The following PEX1 variants were observed in gnomAD, a reference collection of about 807,000 sequenced individuals.
PEX1 encodes peroxisomal ATPase PEX1.
In PEX1, 97 loss-of-function variants were observed where a neutral mutation model predicts 152.5. That is an observed-to-expected ratio of 0.64 (90% CI 0.54 to 0.75). The LOEUF (loss-of-function observed/expected upper bound fraction) is 0.75. Among genes scored for constraint, PEX1 ranks in the 30% least tolerant of loss-of-function variants. The probability of loss-of-function intolerance (pLI) is 0.00; values close to 1 mark genes in which losing one functional copy is unlikely to be tolerated. For missense variants in PEX1, 1,357 were observed against 1,516.3 expected, an observed-to-expected ratio of 0.89 and a Z score of 1.74; for synonymous variants, 485 against 531.6, an observed-to-expected ratio of 0.91 and a Z score of 1.21.
chr7:92,504,033 T>G (rs1392033010), intron 12 of PEX1, among the ~76,000 whole-genome samples: 1 of 152,030 alleles, frequency 6.6e-6, no homozygotes, highest in East Asian at 1.9e-4. Context: ...TTCCTTTGCT[T>G]CTTTATTAGC....
At chr7:92,496,279 TAC>T (rs1791649330) in intron 17 of PEX1, among the ~76,000 whole-genome samples, 1 of 152,138 alleles carries the variant, frequency 6.6e-6, no homozygotes, top group African/African-American at 2.4e-5. Context: ...TGTATTCATA[TAC>T]AGTTTTTTAA....
chr7:92,496,080 C>T (rs1791638803), intron 17 of PEX1, among the ~76,000 whole-genome samples: 1 of 151,920 alleles, frequency 6.6e-6, no homozygotes, highest in East Asian at 1.9e-4. Flanking sequence ...CTGGTAAACT[C>T]GGTGGTGAAT....
At chr7:92,522,895 T>G (rs562974795) in intron 1 of PEX1, among the ~76,000 whole-genome samples, 235 of 152,318 alleles carry the variant, frequency 1.5e-3, no homozygotes, top group African/African-American at 5.4e-3. Flanking sequence ...CATGTCTCTG[T>G]TCTCAGAGGT....
intron 20 of PEX1, among the ~76,000 whole-genome samples, chr7:92,492,024 A>G (rs1156452511): frequency 6.6e-6 from 1 of 152,232 alleles, no homozygotes; most frequent in Admixed American, 6.5e-5. Flanking sequence ...TTCCTAGAAA[A>G]TATATGGTAA....
intron 17 of PEX1, 110 bp from the exon 18 acceptor site, chr7:92,494,739 T>C: frequency 1.5e-6 from 1 of 653,744 alleles, no homozygotes. Flanking sequence ...TATATTTATA[T>C]ACTTCTTTTA....
intron 2 of PEX1, among the ~76,000 whole-genome samples, chr7:92,520,440 T>A (rs1792999647): frequency 6.6e-6 from 1 of 152,134 alleles, no homozygotes; most frequent in African/African-American, 2.4e-5. Context: ...ATAAACAAGA[T>A]TAGTCTGTGC....
At chr7:92,514,773 C>CG (rs1400293405) in intron 5 of PEX1, among the ~76,000 whole-genome samples, 1 of 152,020 alleles carries the variant, frequency 6.6e-6, no homozygotes, top group Non-Finnish European at 1.5e-5. Context: ...TTACCTCAGC[C>CG]GGGCGCAGTG....
In PEX1 at chr7:92,487,482, G is replaced by A; in HGVS notation, c.3827C>T (p.Pro1276Leu). Reference sequence around the variant, plus strand: ...TTATGCTAAAGTTACTTTCTGTCCAGGTCGAAACATTGTTCCACTTTGATT... The same window carrying A: ...TTATGCTAAAGTTACTTTCTGTCCAAGTCGAAACATTGTTCCACTTTGATT... ...RKNQSGTMFRPGQKVTLA is the reference protein window; with the variant it reads ...RKNQSGTMFRLGQKVTLA Residue 1276 changes from proline (P) to leucine (L), a missense_variant, in exon 24 of 24, where the codon CCT becomes CTT. Coordinates refer to ENST00000248633, the MANE Select transcript of PEX1 (RefSeq NM_000466.3). 6.3e-7 allele frequency: 1 copy of A among 1,593,196 alleles called. No homozygotes were observed.
Position 92,489,819 on chromosome 7 carries a change from TAAC to T in PEX1, c.3528_3530del (p.Leu1177del). ...GGCAACCCTCTTGTGAAGCTGTCCTTAACACTGGAGGCTGTGAAAACAACTGGT... is the reference window on the plus strand; with the variant it reads ...GGCAACCCTCTTGTGAAGCTGTCCTTACTGGAGGCTGTGAAAACAACTGGT... On this transcript the variant is annotated inframe_deletion, in exon 22 of 24. Coordinates refer to ENST00000248633, the MANE Select transcript of PEX1 (RefSeq NM_000466.3). 6.2e-7 allele frequency: 1 copy of T among 1,614,012 alleles called. No individual in the cohort carries two copies. The highest frequency in any genetic ancestry group is 1.3e-5 in the African/African-American group (1 of 75,042).
At chr7:92,513,585 C>T (rs1354812675) in intron 6 of PEX1, among the ~76,000 whole-genome samples, 3 of 151,996 alleles carry the variant, frequency 2.0e-5, no homozygotes, top group Non-Finnish European at 4.4e-5. Context: ...TAATGGGTAC[C>T]AAGTTTCTCT....
intron 16 of PEX1, among the ~76,000 whole-genome samples, chr7:92,499,260 T>C (rs1003913321): frequency 2.0e-5 from 3 of 152,204 alleles, no homozygotes; most frequent in African/African-American, 2.4e-5. Context: ...AATTTGTGCA[T>C]GAATATTTAC....
chr7:92,499,969 A>T, intron 15 of PEX1, 131 bp from the exon 16 acceptor site: 2 of 697,512 alleles, frequency 2.9e-6, no homozygotes, highest in Non-Finnish European at 4.9e-6. Flanking sequence ...TAGTAACAGC[A>T]AGTACAACAG....
intron 5 of PEX1, among the ~76,000 whole-genome samples, chr7:92,514,195 G>T (rs998259519): frequency 3.3e-5 from 5 of 152,088 alleles, no homozygotes; most frequent in Admixed American, 6.6e-5. Context: ...TCTTTTATAA[G>T]AGCACGAATC....
At chr7:92,521,466 G>A (rs1338297990) in intron 2 of PEX1, among the ~76,000 whole-genome samples, 3 of 151,664 alleles carry the variant, frequency 2.0e-5, no homozygotes, top group Admixed American at 6.6e-5. Flanking sequence ...ACATTGTTTC[G>A]CTCTTGTCAC....
In PEX1 at chr7:92,522,221, T is replaced by C. The variant is rs1010885689; in HGVS notation, c.154A>G (p.Ser52Gly). 6.2e-7 allele frequency: 1 copy of C among 1,614,120 alleles called. No individual in the cohort carries two copies. The highest frequency in any genetic ancestry group is 8.5e-7 in the Non-Finnish European group (1 of 1,179,990). Residue 52 changes from serine to glycine, a missense_variant, in exon 2 of 24, where the codon AGT becomes GGT. Coordinates refer to ENST00000248633, the MANE Select transcript of PEX1 (RefSeq NM_000466.3). ...LQNQAIEVVW[S>G]HQPAFLSWVE... ...CAGCTCAAGAATGCAGGCTGGTGAC[T>C]CCAGACCACTTCTATAGCTTGATTC...
At chr7:92,493,662 C>T (rs6944105) in intron 19 of PEX1, 5,710 of 153,740 alleles carry the variant, frequency 0.037, 352 homozygotes, top group East Asian at 0.28. Flanking sequence ...CAAAAACCTA[C>T]AAAATATTCA....
chr7:92,506,171 G>A, intron 11 of PEX1, 77 bp downstream of exon 11: 2 of 822,694 alleles, frequency 2.4e-6, no homozygotes, highest in Admixed American at 1.7e-5. Context: ...GTATTTATTA[G>A]ATTGACAGCA....
At chr7:92,506,182 T>C (rs550592635) in intron 11 of PEX1, 66 bp downstream of exon 11, 1 of 855,674 alleles carries the variant, frequency 1.2e-6, no homozygotes, top group East Asian at 2.4e-5. Flanking sequence ...ATTGACAGCA[T>C]TATGTATAAC....
chr7:92,519,182 G>A, intron 2 of PEX1, 104 bp from the exon 3 acceptor site: 1 of 706,104 alleles, frequency 1.4e-6, no homozygotes, highest in Non-Finnish European at 2.5e-6. Flanking sequence ...AAGTAGATGT[G>A]TGTGTATGTT....
Sources: gnomAD v4.1 joint callset for allele counts (sites outside exome capture counted in the v4.1 genomes callset) on GRCh38, gnomAD v4.1.1 for gene constraint, MANE v1.5 for transcripts, NCBI Gene and HGNC (gene_info 2026-07-23, HGNC 2026-07-21) for gene names.